Variants in COL4A4 observed in about 807,000 individuals in gnomAD.
COL4A4 encodes the protein collagen alpha-4(IV) chain.
A neutral mutation model predicts 192.9 loss-of-function variants in COL4A4; 105 were observed. The ratio of observed to expected loss-of-function variants is 0.54; its 90% CI spans 0.46 to 0.64. The LOEUF is 0.64. COL4A4 is among the 30% of genes least tolerant of loss of function. The pLI is 0.00. For missense variants in COL4A4, 1,967 were observed against 2,169.3 expected (o/e 0.91, Z 1.85); for synonymous variants, 762 against 769.9 (o/e 0.99, Z 0.17).
intron 7 of COL4A4, among the ~76,000 whole-genome samples, chr2:227,115,356 T>C (rs140623212): frequency 0.034 from 5,038 of 150,188 alleles, 284 homozygotes; most frequent in African/African-American, 0.12. Flanking sequence ...CTGCAAACTC[T>C]GCCTCCCGGG....
chr2:227,032,389 C>T (rs1340684045), intron 38 of COL4A4, 113 bp from the exon 39 acceptor site: 4 of 1,218,026 alleles, frequency 3.3e-6, no homozygotes, highest in Non-Finnish European at 4.7e-6. Flanking sequence ...GTTCTGCAGA[C>T]ACCAACAACT....
At chr2:227,137,454 A>G (rs907082142) in intron 4 of COL4A4, among the ~76,000 whole-genome samples, 2 of 152,240 alleles carry the variant, frequency 1.3e-5, no homozygotes, top group Non-Finnish European at 2.9e-5. Context: ...CAAGTTATTT[A>G]GAACTGTTGG....
rs115445600 is a variant in COL4A4, at chr2:227,084,476, T to C, written c.1624-2289A>G. ...GCTCTAATGCTCTGTAGGTGTCGAA[T>C]TTTAAGTACTAGAGTAGATCATAGA... is the stretch of plus-strand genomic sequence containing the variant. On this transcript the variant is annotated intron_variant, in intron 22 of 47. Transcript: ENST00000396625. 4.5e-3 allele frequency among the ~76,000 whole-genome samples: 683 copies of C among 152,276 alleles called. 6 individuals are homozygous for C. The highest frequency in any genetic ancestry group is 0.016 in the African/African-American group (647 of 41,566).
intron 37 of COL4A4, among the ~76,000 whole-genome samples, chr2:227,035,244 C>A (rs1969374061): frequency 6.6e-6 from 1 of 152,040 alleles, no homozygotes; most frequent in South Asian, 2.1e-4. Flanking sequence ...GAGAAAGCTA[C>A]AAAAAGGAGC....
At chr2:227,052,528 T>C in intron 31 of COL4A4, 116 bp from the exon 32 acceptor site, 1 of 709,022 alleles carries the variant, frequency 1.4e-6, no homozygotes, top group South Asian at 1.5e-5. Flanking sequence ...GAAGCTCTAT[T>C]TATGTAGATC....
chr2:227,034,239 T>C (rs1969065631), intron 37 of COL4A4, among the ~76,000 whole-genome samples: 1 of 152,222 alleles, frequency 6.6e-6, no homozygotes, highest in Non-Finnish European at 1.5e-5. Flanking sequence ...ACACTTCCAG[T>C]GGAAAATTTT....
At chr2:227,131,147 T>A (rs1017069933) in intron 4 of COL4A4, among the ~76,000 whole-genome samples, 1 of 134,354 alleles carries the variant, frequency 7.4e-6, no homozygotes, top group Non-Finnish European at 1.7e-5. Flanking sequence ...CTGCTTTTTT[T>A]TTTTTTTCTT....
At chr2:227,022,819 G>A (rs1033426745) in intron 43 of COL4A4, among the ~76,000 whole-genome samples, 1 of 152,164 alleles carries the variant, frequency 6.6e-6, no homozygotes, top group African/African-American at 2.4e-5. Flanking sequence ...ATCATTGGCT[G>A]CATAATAAAC....
At chr2:227,037,139 GGTTTT>G (rs1239323460) in intron 37 of COL4A4, among the ~76,000 whole-genome samples, 2 of 152,128 alleles carry the variant, frequency 1.3e-5, no homozygotes, top group Admixed American at 1.3e-4. Flanking sequence ...AGAATGTGCA[GGTTTT>G]TTACATAGGT....
the COL4A4 span, chr2:226,988,546 C>G: frequency 1.2e-5 from 17 of 1,438,600 alleles, no homozygotes; most frequent in East Asian, 4.0e-4. Flanking sequence ...CAGGCTGGCC[C>G]TCTCTGCGGA....
At chr2:227,002,075 C>A (rs1215809980), downstream of COL4A4, among the ~76,000 whole-genome samples, 1 of 147,540 alleles carries the variant, frequency 6.8e-6, no homozygotes, top group Non-Finnish European at 1.5e-5. Context: ...GAGGGTGAGG[C>A]AGGAGGATCA....
chr2:227,083,375 G>A (rs1038829756), intron 22 of COL4A4, among the ~76,000 whole-genome samples: 4 of 152,146 alleles, frequency 2.6e-5, no homozygotes, highest in African/African-American at 9.7e-5. Flanking sequence ...GAAATTGGAG[G>A]GAGGTAAAAA....
In COL4A4 at chr2:227,041,848, G is replaced by GAGAAAGAAAGAAAGAA. The variant is rs71036154; in HGVS notation, c.3505+284_3505+299dup. 1.4e-3 allele frequency among the ~76,000 whole-genome samples: 54 copies of GAGAAAGAAAGAAAGAA among 38,718 alleles called. 4 individuals carry two copies. Among genetic ancestry groups the GAGAAAGAAAGAAAGAA allele is most frequent in the East Asian group, 8.8e-3 (8 of 914 alleles). 25.4% of individuals were successfully genotyped at this position (38,718 alleles called of 152,430 possible). Reference sequence around the variant, plus strand: ...AGAAAGAAAGAAAGAAAGAAAGAAAGAGAAAGAAAGAAAGAAAGAAAGAAA... The same window carrying GAGAAAGAAAGAAAGAA: ...AGAAAGAAAGAAAGAAAGAAAGAAAGAGAAAGAAAGAAAGAAAGAAAGAAAGAAAGAAAGAAAGAAA... On this transcript the variant is annotated intron_variant, in intron 37 of 47. Transcript: ENST00000396625.
intron 29 of COL4A4, among the ~76,000 whole-genome samples, chr2:227,057,025 TCCTAC>T (rs1300516596): frequency 3.8e-4 from 58 of 152,340 alleles, no homozygotes; most frequent in African/African-American, 1.4e-3. Flanking sequence ...TCTCTTGTGT[TCCTAC>T]GTCTTCCTGG....
rs1199765858 is a variant in COL4A4, at chr2:227,101,870, A to G, written c.970T>C (p.Leu324=). The part of the protein sequence containing the change: ...GSYGSPGFPG[L]KGELGLVGDP... ...CTATAATGAGGTACATTTACCTTTA[A>G]TCCTGGAAAACCTGGAGATCCATAG... is the stretch of plus-strand genomic sequence containing the variant. The change falls in exon 16 of 48, where the codon TTA becomes CTA. Residue 324 remains leucine (L), a synonymous_variant. Transcript: ENST00000396625. The G allele has an allele frequency of 1.3e-6, 2 of 1,590,476 alleles. No homozygotes were observed. Among genetic ancestry groups the G allele is most frequent in the East Asian group, 2.2e-5 (1 of 44,582 alleles).
chr2:226,981,406 A>T, the COL4A4 span, among the ~76,000 whole-genome samples: 3 of 151,924 alleles, frequency 2.0e-5, no homozygotes, highest in East Asian at 1.9e-4. Flanking sequence ...ACTTCAAAAA[A>T]TTTTTTAAAA....
At chr2:227,082,296 T>G in intron 22 of COL4A4, 109 bp from the exon 23 acceptor site, 1 of 1,059,868 alleles carries the variant, frequency 9.4e-7, no homozygotes, top group Non-Finnish European at 1.5e-6. Flanking sequence ...TTGTTAAAGA[T>G]TCTAGCTTGG....
chr2:227,060,664 C>T (rs1976725258), intron 26 of COL4A4, among the ~76,000 whole-genome samples: 2 of 151,880 alleles, frequency 1.3e-5, no homozygotes, highest in African/African-American at 2.4e-5. Flanking sequence ...TTCCCTGCAT[C>T]TTACTGAATT....
At chr2:227,022,357 T>C in intron 43 of COL4A4, 184 bp from the exon 44 acceptor site, 2 of 864,756 alleles carry the variant, frequency 2.3e-6, no homozygotes, top group Admixed American at 1.7e-5. Context: ...AAGGCAGAAA[T>C]TTGTCTTATG....
Sources: gnomAD v4.1 joint callset for allele counts (sites outside exome capture counted in the v4.1 genomes callset) on GRCh38, gnomAD v4.1.1 for gene constraint, MANE v1.5 for transcripts, NCBI Gene and HGNC (gene_info 2026-07-23, HGNC 2026-07-21) for gene names.